The following USH2A variants were observed in gnomAD, a reference collection of about 807,000 sequenced individuals.
USH2A encodes the protein Usher syndrome 2A (autosomal recessive, mild).
In USH2A, 443 loss-of-function variants were observed where a neutral mutation model predicts 538.9. That is an observed-to-expected ratio of 0.82 (90% CI 0.76 to 0.89). The LOEUF is 0.89. Among genes scored for constraint, USH2A ranks in the 40% least tolerant of loss-of-function variants. USH2A has a pLI of 0.00. For synonymous variants in USH2A, 2,413 were observed against 2,273.5 expected (o/e 1.06, Z -1.75); for missense variants, 6,633 against 6,324.8 (o/e 1.05, Z -1.65).
chr1:215,835,520 G>T (rs759005556), intron 47 of USH2A, among the ~76,000 whole-genome samples: 1 of 152,090 alleles, frequency 6.6e-6, no homozygotes, highest in Non-Finnish European at 1.5e-5. Context: ...TTTCTCCAGA[G>T]AATAAATGTC....
intron 4 of USH2A, among the ~76,000 whole-genome samples, chr1:216,345,839 A>T (rs2038164882): frequency 6.6e-6 from 1 of 152,092 alleles, no homozygotes; most frequent in Admixed American, 6.6e-5. Flanking sequence ...TACCATCCAG[A>T]AAACAGGAAT....
intron 4 of USH2A, among the ~76,000 whole-genome samples, chr1:216,357,961 T>C (rs971379383): frequency 2.0e-5 from 3 of 152,170 alleles, no homozygotes; most frequent in Non-Finnish European, 4.4e-5. Context: ...TTGGTTGATA[T>C]AGATGGTCTA....
chr1:216,196,147 TAAG>T (rs1325908887), intron 19 of USH2A, among the ~76,000 whole-genome samples: 1 of 152,148 alleles, frequency 6.6e-6, no homozygotes, highest in African/African-American at 2.4e-5. Flanking sequence ...AATGTACATA[TAAG>T]AAGTTTTATC....
chr1:215,747,618 C>T (rs916659003), intron 58 of USH2A, among the ~76,000 whole-genome samples: 2 of 152,068 alleles, frequency 1.3e-5, no homozygotes, highest in Non-Finnish European at 2.9e-5. Context: ...TTCCTCTCCG[C>T]AAAAAGTATT....
chr1:216,258,292 C>T (rs1217193509), intron 11 of USH2A, among the ~76,000 whole-genome samples: 1 of 152,046 alleles, frequency 6.6e-6, no homozygotes, highest in Non-Finnish European at 1.5e-5. Flanking sequence ...AGGCTAGACC[C>T]TTTTGTGTAC....
intron 38 of USH2A, among the ~76,000 whole-genome samples, chr1:215,906,788 G>T (rs11120695): frequency 0.32 from 48,889 of 151,966 alleles, 9,760 homozygotes; most frequent in East Asian, 0.52. Context: ...GTAAAATGGA[G>T]AAGTCTTCAT....
chr1:215,629,773 CTTT>C (rs34349385), intron 70 of USH2A, among the ~76,000 whole-genome samples: 1 of 125,054 alleles, frequency 8.0e-6, no homozygotes, highest in Non-Finnish European at 1.7e-5. Flanking sequence ...CTTTTCTTTT[CTTT>C]TTTTTTTTTT....
chr1:216,160,276 T>TA (rs1231243443), intron 21 of USH2A, among the ~76,000 whole-genome samples: 6 of 152,150 alleles, frequency 3.9e-5, no homozygotes, highest in Non-Finnish European at 8.8e-5. Flanking sequence ...TATATGCATT[T>TA]AAAGCTATAA....
At chr1:216,241,892 C>T (rs1328570390) in intron 13 of USH2A, among the ~76,000 whole-genome samples, 2 of 152,098 alleles carry the variant, frequency 1.3e-5, no homozygotes, top group Admixed American at 6.6e-5. Flanking sequence ...AAACTCCTTT[C>T]CAAAGGTTTA....
Position 215,743,275 on chromosome 1 carries a change from G to A in USH2A, c.11450C>T (p.Thr3817Ile), listed in dbSNP as rs1177066787. ...YNVLLNDGSV[T>I]PLAFSVGHHQ... ...ATGACCAACGGAGAAGGCCAGAGGT[G>A]TTACACTTCCATCATTGAGTAAGAC... Residue 3817 changes from threonine (T) to isoleucine (I), a missense_variant, in exon 59 of 72, where the codon ACA (threonine) becomes ATA (isoleucine). Thr to Ile is a moderately conservative substitution (Grantham distance 89). Transcript: ENST00000307340. 1.2e-6 allele frequency: 2 copies of A among 1,611,100 alleles called. No individual in the cohort carries two copies. The highest frequency in any genetic ancestry group is 2.7e-5 in the African/African-American group (2 of 74,320).
At chr1:216,018,950 T>C (rs1409403329) in intron 32 of USH2A, among the ~76,000 whole-genome samples, 1 of 152,162 alleles carries the variant, frequency 6.6e-6, no homozygotes, top group Admixed American at 6.5e-5. Flanking sequence ...GCACCTAGTA[T>C]AGTGCCTATT....
intron 14 of USH2A, among the ~76,000 whole-genome samples, chr1:216,221,748 T>C (rs761284274): frequency 2.0e-5 from 3 of 152,208 alleles, no homozygotes; most frequent in Non-Finnish European, 4.4e-5. Context: ...CTTTCTCCTT[T>C]GTTGACACTC....
intron 62 of USH2A, among the ~76,000 whole-genome samples, chr1:215,677,656 C>T (rs530880846): frequency 9.9e-5 from 15 of 152,156 alleles, no homozygotes; most frequent in Non-Finnish European, 1.9e-4. Context: ...TCTTTTTGGA[C>T]ACTCCACTCA....
intron 21 of USH2A, among the ~76,000 whole-genome samples, chr1:216,127,442 G>A (rs560297091): frequency 3.7e-4 from 56 of 152,142 alleles, no homozygotes; most frequent in South Asian, 1.2e-3. Context: ...TGTATCCATC[G>A]AGATGTCTAT....
At chr1:216,198,754 C>G (rs2034913780) in intron 17 of USH2A, among the ~76,000 whole-genome samples, 170 bp from the exon 18 acceptor site, 1 of 152,026 alleles carries the variant, frequency 6.6e-6, no homozygotes, top group Non-Finnish European at 1.5e-5. Context: ...GTTTAGTAAT[C>G]TAGATGACAG....
At chr1:215,879,528 C>T (rs1319456913) in intron 41 of USH2A, among the ~76,000 whole-genome samples, 2 of 152,094 alleles carry the variant, frequency 1.3e-5, no homozygotes, top group South Asian at 2.1e-4. Context: ...AGTGTGACTG[C>T]CAAATAAGTC....
chr1:216,205,649 G>C (rs566448548), intron 16 of USH2A, among the ~76,000 whole-genome samples: 1 of 152,118 alleles, frequency 6.6e-6, no homozygotes, highest in Non-Finnish European at 1.5e-5. Context: ...TCAGTGTTTC[G>C]ACAGAGCTTT....
chr1:216,091,427 A>T (rs1344809455), intron 22 of USH2A, among the ~76,000 whole-genome samples: 1 of 152,216 alleles, frequency 6.6e-6, no homozygotes, highest in African/African-American at 2.4e-5. Flanking sequence ...AGAATGGGAA[A>T]ATTATAGAAA....
intron 30 of USH2A, among the ~76,000 whole-genome samples, chr1:216,065,371 C>T (rs376163006): frequency 6.6e-6 from 1 of 152,002 alleles, no homozygotes; most frequent in African/African-American, 2.4e-5. Flanking sequence ...AATAATCAAC[C>T]CTAAATGGGG....
Sources: gnomAD v4.1 joint callset for allele counts (sites outside exome capture counted in the v4.1 genomes callset) on GRCh38, gnomAD v4.1.1 for gene constraint, MANE v1.5 for transcripts, NCBI Gene and HGNC (gene_info 2026-07-23, HGNC 2026-07-21) for gene names.